The following RPS6KC1 variants were observed in gnomAD, a reference collection of about 807,000 sequenced individuals.
RPS6KC1 encodes the protein ribosomal protein S6 kinase C1, also known as inactive ribosomal protein S6 kinase delta-1.
RPS6KC1 carries 54 observed loss-of-function variants against 103.8 expected under a neutral mutation model. The observed-to-expected ratio is 0.52, with a 90% CI of 0.42 to 0.65. The LOEUF (loss-of-function observed/expected upper bound fraction) is 0.65. Ranked by LOEUF, RPS6KC1 falls within the 30% of genes least tolerant of loss-of-function variation. The pLI is 0.00. For synonymous variants in RPS6KC1, 439 were observed against 438.7 expected (o/e 1.00, Z -0.01); for missense variants, 1,151 against 1,253.8 (o/e 0.92, Z 1.24).
the RPS6KC1 span, among the ~76,000 whole-genome samples, chr1:213,321,383 C>G: frequency 3.3e-5 from 5 of 152,170 alleles, no homozygotes; most frequent in African/African-American, 7.2e-5. Context: ...TGTGATCTGA[C>G]TAACTGTGTT....
the RPS6KC1 span, among the ~76,000 whole-genome samples, chr1:213,729,991 T>C: frequency 6.6e-6 from 1 of 152,192 alleles, no homozygotes; most frequent in Non-Finnish European, 1.5e-5. Flanking sequence ...CTTCTCATCA[T>C]TTAGCCCCCA....
intron 8 of RPS6KC1, among the ~76,000 whole-genome samples, chr1:213,197,542 ATG>A (rs2092998298): frequency 6.6e-6 from 1 of 151,636 alleles, no homozygotes; most frequent in Non-Finnish European, 1.5e-5. Flanking sequence ...GTATGTATGT[ATG>A]TATGTATGTA....
At chr1:213,648,106 A>G in the RPS6KC1 span, among the ~76,000 whole-genome samples, 1 of 152,154 alleles carries the variant, frequency 6.6e-6, no homozygotes, top group African/African-American at 2.4e-5. Context: ...TTTCTATATG[A>G]CAAGTCATCA....
intron 6 of RPS6KC1, among the ~76,000 whole-genome samples, chr1:213,149,891 ATATAGTGACCTTGTTTGTCTCTTCT>A (rs2088440350): frequency 6.6e-6 from 1 of 152,244 alleles, no homozygotes; most frequent in African/African-American, 2.4e-5. Flanking sequence ...CTTTATCATT[ATATAGTGACCTTGTTTGTCTCTTCT>A]TATAGTTTCT....
the RPS6KC1 span, among the ~76,000 whole-genome samples, chr1:213,728,142 C>T: frequency 4.0e-5 from 6 of 151,868 alleles, no homozygotes; most frequent in African/African-American, 7.2e-5. Context: ...GCGTGATAAG[C>T]GGTGCACAGT....
intron 7 of RPS6KC1, 127 bp downstream of exon 7, chr1:213,168,100 G>A (rs955490881): frequency 3.5e-6 from 2 of 564,244 alleles, no homozygotes; most frequent in Non-Finnish European, 3.0e-6. Flanking sequence ...TTTCATAAAG[G>A]TTGTTGGTAG....
intron 3 of RPS6KC1, among the ~76,000 whole-genome samples, chr1:213,086,607 A>G (rs1177058161): frequency 3.9e-5 from 6 of 152,168 alleles, no homozygotes; most frequent in Admixed American, 1.3e-4. Context: ...ATAATTCTTT[A>G]TAAGACTCCC....
chr1:213,201,159 A>T (rs1012994376), intron 8 of RPS6KC1, among the ~76,000 whole-genome samples: 1 of 152,208 alleles, frequency 6.6e-6, no homozygotes, highest in African/African-American at 2.4e-5. Context: ...CTGCACAAGG[A>T]TGTTTATAGC....
At chr1:213,458,784 G>A in the RPS6KC1 span, among the ~76,000 whole-genome samples, 21 of 152,188 alleles carry the variant, frequency 1.4e-4, no homozygotes, top group East Asian at 1.7e-3. Flanking sequence ...GATACATTCC[G>A]TCAATACCTA....
intron 1 of RPS6KC1, among the ~76,000 whole-genome samples, chr1:213,059,567 G>A (rs575872388): frequency 1.3e-5 from 2 of 152,314 alleles, no homozygotes; most frequent in Admixed American, 1.3e-4. Context: ...AGGCTGGAAT[G>A]CAGTGGTGCG....
the RPS6KC1 span, among the ~76,000 whole-genome samples, chr1:213,344,727 G>A: frequency 6.6e-6 from 1 of 152,120 alleles, no homozygotes; most frequent in African/African-American, 2.4e-5. Context: ...TAGAGACGAG[G>A]TTTTGCCATG....
At chr1:213,407,599 C>CTT in the RPS6KC1 span, among the ~76,000 whole-genome samples, 1 of 152,216 alleles carries the variant, frequency 6.6e-6, no homozygotes, top group Admixed American at 6.5e-5. Context: ...AATAAACACC[C>CTT]TTTGATTATT....
chr1:213,260,556 T>C (rs902743461), intron 12 of RPS6KC1, among the ~76,000 whole-genome samples: 3 of 152,176 alleles, frequency 2.0e-5, no homozygotes, highest in Admixed American at 6.5e-5. Flanking sequence ...TGAGTACCAC[T>C]TACATGTTTT....
chr1:213,398,450 C>T, the RPS6KC1 span, among the ~76,000 whole-genome samples: 3 of 151,944 alleles, frequency 2.0e-5, no homozygotes, highest in Non-Finnish European at 4.4e-5. Flanking sequence ...ATGGCACCAC[C>T]TATCTATCTC....
chr1:213,382,015 G>A, the RPS6KC1 span, among the ~76,000 whole-genome samples: 2 of 152,212 alleles, frequency 1.3e-5, no homozygotes, highest in Middle Eastern at 3.2e-3. Flanking sequence ...ACAGAGGCGA[G>A]TGTGCACACC....
At chr1:213,487,822 G>A in the RPS6KC1 span, among the ~76,000 whole-genome samples, 1 of 152,120 alleles carries the variant, frequency 6.6e-6, no homozygotes, top group Non-Finnish European at 1.5e-5. Context: ...TATCAGGAAT[G>A]TGGTAAGAAT....
At chr1:213,508,307 G>C in the RPS6KC1 span, among the ~76,000 whole-genome samples, 1 of 152,192 alleles carries the variant, frequency 6.6e-6, no homozygotes, top group African/African-American at 2.4e-5. Flanking sequence ...TTATTTGGGG[G>C]TGTTGGAAGG....
chr1:213,172,811 C>G (rs1210943526), intron 7 of RPS6KC1, among the ~76,000 whole-genome samples: 1 of 152,180 alleles, frequency 6.6e-6, no homozygotes, highest in African/African-American at 2.4e-5. Flanking sequence ...CTTCCCTTGT[C>G]TTTAGTCCTG....
chr1:213,231,733 C>G (rs2094108703), intron 9 of RPS6KC1, among the ~76,000 whole-genome samples: 1 of 152,122 alleles, frequency 6.6e-6, no homozygotes, highest in Non-Finnish European at 1.5e-5. Flanking sequence ...TCTAAGAATA[C>G]CTTTTGTGTC....
Sources: allele counts gnomAD v4.1 joint callset (sites outside exome capture counted in the v4.1 genomes callset), GRCh38; gene constraint gnomAD v4.1.1; transcripts MANE v1.5; gene names NCBI Gene and HGNC (gene_info 2026-07-23, HGNC 2026-07-21).